TEX22: variants seen among roughly 807,000 people sequenced by gnomAD.
TEX22 encodes testis expressed 22, also known as testis-expressed protein 22.
TEX22 carries 16 observed loss-of-function variants against 11.3 expected under a neutral mutation model. The observed-to-expected ratio is 1.42, with a 90% CI of 0.96 to 2.15. The LOEUF is 2.15. Among genes scored for constraint, TEX22 ranks in the 30% most tolerant of loss-of-function variants. The pLI is 0.00. For synonymous variants in TEX22, 97 were observed against 92.3 expected, an observed-to-expected ratio of 1.05 and a Z score of -0.29; for missense variants, 220 against 208.6, an observed-to-expected ratio of 1.05 and a Z score of -0.34.
chr14:105,411,924 A>AG lies in TEX22; in HGVS notation c.*96dup. On this transcript the variant is annotated 3_prime_UTR_variant, in exon 4 of 4. Transcript: ENST00000451127. ...CTCTGCGCCTTCTTTGTGCCCCACCAGGGGGTCACCACCCACCCATGTTAG... is the reference window on the plus strand; with the variant it reads ...CTCTGCGCCTTCTTTGTGCCCCACCAGGGGGGTCACCACCCACCCATGTTAG... The AG allele has an allele frequency of 1.6e-5, 20 of 1,267,964 alleles. No individual in the cohort carries two copies. Among genetic ancestry groups the AG allele is most frequent in the Non-Finnish European group, 2.1e-5 (20 of 966,004 alleles). The allele number at this position is 1,267,964 out of a possible 1,614,324, so 78.5% of individuals were successfully genotyped here.
intron 2 of TEX22, among the ~76,000 whole-genome samples, chr14:105,406,303 G>A (rs919667551): frequency 6.6e-6 from 1 of 152,096 alleles, no homozygotes; most frequent in Non-Finnish European, 1.5e-5. Flanking sequence ...ACACAAAAAT[G>A]TTAAACGACA....
At chr14:105,401,681 A>G (rs587744162) in intron 2 of TEX22, among the ~76,000 whole-genome samples, 6 of 152,216 alleles carry the variant, frequency 3.9e-5, no homozygotes, top group Admixed American at 6.5e-5. Flanking sequence ...ATGGATACAT[A>G]TGTAACAAAC....
At chr14:105,403,204 T>G (rs1339783131) in intron 2 of TEX22, among the ~76,000 whole-genome samples, 1 of 152,196 alleles carries the variant, frequency 6.6e-6, no homozygotes, top group Non-Finnish European at 1.5e-5. Flanking sequence ...GCATAACAAT[T>G]TATTATTCTA....
intron 2 of TEX22, among the ~76,000 whole-genome samples, chr14:105,408,148 C>T (rs1204671386): frequency 1.3e-5 from 2 of 152,094 alleles, no homozygotes; most frequent in African/African-American, 2.4e-5. Context: ...CAGCAGTCCC[C>T]AAAGCCACTC....
At chr14:105,402,739 G>C (rs2081638745) in intron 2 of TEX22, among the ~76,000 whole-genome samples, 4 of 144,298 alleles carry the variant, frequency 2.8e-5, no homozygotes, top group Admixed American at 2.1e-4. Context: ...CTGGGCGACA[G>C]AGCGAGACTC....
chr14:105,402,580 C>T (rs1254049925), intron 2 of TEX22, among the ~76,000 whole-genome samples: 4 of 151,340 alleles, frequency 2.6e-5, no homozygotes, highest in Admixed American at 1.3e-4. Flanking sequence ...CGGTGAAACC[C>T]CGTCTCTACT....
intron 2 of TEX22, among the ~76,000 whole-genome samples, chr14:105,402,041 C>G (rs1240300610): frequency 6.6e-6 from 1 of 152,094 alleles, no homozygotes; most frequent in African/African-American, 2.4e-5. Context: ...CAAAAACTAG[C>G]TGGGCATGGT....
intron 2 of TEX22, among the ~76,000 whole-genome samples, chr14:105,404,538 A>G (rs1394988243): frequency 2.6e-5 from 4 of 152,190 alleles, no homozygotes; most frequent in African/African-American, 9.7e-5. Flanking sequence ...GAAATTATGT[A>G]CTGAGAAGCA....
At chr14:105,398,702 C>G (rs2081601317) in intron 1 of TEX22, 67 bp downstream of exon 1, 1 of 152,436 alleles carries the variant, frequency 6.6e-6, no homozygotes. Context: ...TCCCGTGTAC[C>G]CCGCCCCCCC....
intron 2 of TEX22, among the ~76,000 whole-genome samples, chr14:105,402,565 T>C (rs185631991): frequency 0.011 from 1,664 of 151,766 alleles, 24 homozygotes; most frequent in East Asian, 0.042. Flanking sequence ...CCATCCTGGC[T>C]AACACGGTGA....
intron 1 of TEX22, among the ~76,000 whole-genome samples, chr14:105,399,098 C>G (rs2081606998): frequency 6.6e-6 from 1 of 152,192 alleles, no homozygotes; most frequent in Non-Finnish European, 1.5e-5. Flanking sequence ...GAGGACAGTT[C>G]GGGAGGCTGG....
intron 2 of TEX22, 42 bp from the exon 3 acceptor site, chr14:105,411,326 C>T: frequency 1.6e-6 from 2 of 1,269,836 alleles, no homozygotes; most frequent in South Asian, 2.4e-5. Flanking sequence ...CGAAGGGGAG[C>T]TGGCGCCGAG....
chr14:105,406,885 A>G (rs1269097572), intron 2 of TEX22, among the ~76,000 whole-genome samples: 1 of 151,928 alleles, frequency 6.6e-6, no homozygotes, highest in East Asian at 1.9e-4. Flanking sequence ...CTTTCAGACC[A>G]TTTCTTTTGC....
At chr14:105,402,288 A>AT (rs1267261634) in intron 2 of TEX22, among the ~76,000 whole-genome samples, 9 of 152,256 alleles carry the variant, frequency 5.9e-5, no homozygotes, top group Non-Finnish European at 1.3e-4. Flanking sequence ...TTTGCATCTA[A>AT]TATGTTACCT....
chr14:105,406,596 TG>T (rs2081659490), intron 2 of TEX22, among the ~76,000 whole-genome samples: 1 of 150,802 alleles, frequency 6.6e-6, no homozygotes, highest in African/African-American at 2.4e-5. Flanking sequence ...GGCTCCCAGC[TG>T]CTCGGGAGGC....
At chr14:105,404,210 T>A (rs2081647134) in intron 2 of TEX22, among the ~76,000 whole-genome samples, 1 of 152,188 alleles carries the variant, frequency 6.6e-6, no homozygotes, top group African/African-American at 2.4e-5. Context: ...GGCGAGTCCA[T>A]GATAGGGGCT....
At chr14:105,400,794 C>T (rs2081622622) in intron 2 of TEX22, among the ~76,000 whole-genome samples, 1 of 152,152 alleles carries the variant, frequency 6.6e-6, no homozygotes, top group African/African-American at 2.4e-5. Flanking sequence ...GGGTGCATCT[C>T]TGCTGACGGG....
intron 2 of TEX22, 93 bp downstream of exon 2, chr14:105,399,583 G>GC: frequency 7.3e-7 from 1 of 1,370,332 alleles, no homozygotes; most frequent in South Asian, 1.5e-5. Flanking sequence ...GTCGTGATGA[G>GC]CAGCCTCAGG....
At chr14:105,402,581 C>T (rs28645374) in intron 2 of TEX22, among the ~76,000 whole-genome samples, 22 of 151,014 alleles carry the variant, frequency 1.5e-4, no homozygotes, top group South Asian at 4.2e-4. Context: ...GGTGAAACCC[C>T]GTCTCTACTA....
Sources: allele counts gnomAD v4.1 joint callset (sites outside exome capture counted in the v4.1 genomes callset), GRCh38; gene constraint gnomAD v4.1.1; transcripts MANE v1.5; gene names NCBI Gene and HGNC (gene_info 2026-07-23, HGNC 2026-07-21).